The following CSNK1G3 variants were observed in gnomAD, a reference collection of about 807,000 sequenced individuals.
The protein encoded by CSNK1G3 is casein kinase 1 gamma 3.
In CSNK1G3, 23 loss-of-function variants were observed where a neutral mutation model predicts 64.3. The ratio of observed to expected loss-of-function variants is 0.36; its 90% CI spans 0.26 to 0.51. The LOEUF is 0.51. Ranked by LOEUF, CSNK1G3 falls within the 20% of genes least tolerant of loss-of-function variation. The pLI is 0.96. For synonymous variants in CSNK1G3, 158 were observed against 162.2 expected, an observed-to-expected ratio of 0.97 and a Z score of 0.20; for missense variants, 357 against 510.5, an observed-to-expected ratio of 0.70 and a Z score of 2.90.
chr5:123,527,379 T>C (rs1428152333), intron 1 of CSNK1G3, among the ~76,000 whole-genome samples: 1 of 152,174 alleles, frequency 6.6e-6, no homozygotes, highest in Non-Finnish European at 1.5e-5. Context: ...AAGAAGTCTC[T>C]TGATTTAGCT....
At chr5:123,596,511 A>G (rs1276125950) in intron 10 of CSNK1G3, among the ~76,000 whole-genome samples, 3 of 152,052 alleles carry the variant, frequency 2.0e-5, no homozygotes, top group Non-Finnish European at 4.4e-5. Flanking sequence ...CCATTACCAG[A>G]TTTATTTTCT....
intron 4 of CSNK1G3, 95 bp from the exon 5 acceptor site, chr5:123,573,298 C>G: frequency 2.2e-6 from 3 of 1,348,858 alleles, no homozygotes. Flanking sequence ...TGCTTTAGTT[C>G]TTGAAACTAT....
At chr5:123,543,587 G>A (rs146990963) in intron 1 of CSNK1G3, among the ~76,000 whole-genome samples, 112 of 152,196 alleles carry the variant, frequency 7.4e-4, no homozygotes, top group Admixed American at 1.1e-3. Context: ...TGCAAATTCT[G>A]ATCTGTGATC....
intron 1 of CSNK1G3, among the ~76,000 whole-genome samples, chr5:123,538,044 T>TTGG (rs1316800552): frequency 6.6e-6 from 1 of 152,226 alleles, no homozygotes; most frequent in Non-Finnish European, 1.5e-5. Flanking sequence ...TAGTCATCTA[T>TTGG]TATATGACTA....
At chr5:123,611,388 A>G (rs573242684) in intron 12 of CSNK1G3, among the ~76,000 whole-genome samples, 25 of 152,314 alleles carry the variant, frequency 1.6e-4, no homozygotes, top group African/African-American at 6.0e-4. Context: ...TTTAAAATAG[A>G]TGTCCTTTTT....
chr5:123,517,083 G>C (rs1180450657), intron 1 of CSNK1G3, among the ~76,000 whole-genome samples: 1 of 152,154 alleles, frequency 6.6e-6, no homozygotes, highest in African/African-American at 2.4e-5. Flanking sequence ...TTCAGAAGTT[G>C]CCGATAAGAA....
intron 4 of CSNK1G3, among the ~76,000 whole-genome samples, chr5:123,571,192 ATC>A (rs1190322195): frequency 1.3e-5 from 2 of 152,130 alleles, no homozygotes; most frequent in African/African-American, 2.4e-5. Flanking sequence ...GTGTATCAGA[ATC>A]TCTGTTTCTG....
chr5:123,517,678 ACTTT>A (rs1201070724), intron 1 of CSNK1G3, among the ~76,000 whole-genome samples: 4 of 152,108 alleles, frequency 2.6e-5, no homozygotes, highest in Admixed American at 6.6e-5. Flanking sequence ...AGGAAATAGA[ACTTT>A]CTTCGATAGA....
intron 12 of CSNK1G3, among the ~76,000 whole-genome samples, chr5:123,605,791 A>G (rs1256619720): frequency 3.9e-5 from 6 of 152,152 alleles, no homozygotes; most frequent in African/African-American, 1.2e-4. Context: ...TTCATTTACT[A>G]ACCAATTATC....
intron 4 of CSNK1G3, among the ~76,000 whole-genome samples, chr5:123,570,500 C>T (rs1413766732): frequency 6.6e-6 from 1 of 151,852 alleles, no homozygotes; most frequent in Non-Finnish European, 1.5e-5. Context: ...ATTACAGGCA[C>T]ACGCCACCAT....
intron 1 of CSNK1G3, among the ~76,000 whole-genome samples, chr5:123,541,412 A>G (rs11955296): frequency 0.083 from 12,612 of 152,024 alleles, 593 homozygotes; most frequent in South Asian, 0.12. Context: ...CTTTCAGTCT[A>G]TCTGTATAGT....
intron 4 of CSNK1G3, among the ~76,000 whole-genome samples, chr5:123,563,839 T>C (rs973256219): frequency 2.6e-5 from 4 of 152,070 alleles, no homozygotes; most frequent in Non-Finnish European, 5.9e-5. Flanking sequence ...AATAAATACT[T>C]AGACTATTGC....
At chr5:123,551,992 C>A (rs890249629) in intron 2 of CSNK1G3, among the ~76,000 whole-genome samples, 1 of 152,122 alleles carries the variant, frequency 6.6e-6, no homozygotes, top group Non-Finnish European at 1.5e-5. Flanking sequence ...ACTACAGATG[C>A]TGACCAATTG....
chr5:123,527,885 G>A (rs962387965), intron 1 of CSNK1G3, among the ~76,000 whole-genome samples: 5 of 151,880 alleles, frequency 3.3e-5, no homozygotes, highest in African/African-American at 7.3e-5. Flanking sequence ...TGTTTTCTCC[G>A]TGTTTTCTAA....
At chr5:123,523,072 T>A (rs906313760) in intron 1 of CSNK1G3, among the ~76,000 whole-genome samples, 1 of 152,202 alleles carries the variant, frequency 6.6e-6, no homozygotes, top group Non-Finnish European at 1.5e-5. Flanking sequence ...ATATTTACAA[T>A]ATCATTGAGC....
At chr5:123,608,995 T>C (rs956109112) in intron 12 of CSNK1G3, among the ~76,000 whole-genome samples, 1 of 152,234 alleles carries the variant, frequency 6.6e-6, no homozygotes, top group South Asian at 2.1e-4. Context: ...ACACTAGTTC[T>C]CAAAGATGAG....
intron 3 of CSNK1G3, among the ~76,000 whole-genome samples, chr5:123,554,345 G>T (rs185817263): frequency 4.7e-4 from 72 of 152,268 alleles, no homozygotes; most frequent in African/African-American, 1.4e-3. Flanking sequence ...TTTCTTAGAG[G>T]TGGATTCACA....
At chr5:123,556,267 T>C (rs1025681947) in intron 3 of CSNK1G3, among the ~76,000 whole-genome samples, 2 of 152,132 alleles carry the variant, frequency 1.3e-5, no homozygotes, top group Non-Finnish European at 2.9e-5. Flanking sequence ...TGTAAAATTC[T>C]TTTTAGTTAT....
At chr5:123,593,328 A>T (rs560003031) in intron 10 of CSNK1G3, among the ~76,000 whole-genome samples, 10 of 151,950 alleles carry the variant, frequency 6.6e-5, no homozygotes, top group South Asian at 4.2e-4. Flanking sequence ...TTGTATATTT[A>T]AAAAAAACTT....
Sources: allele counts gnomAD v4.1 joint callset (sites outside exome capture counted in the v4.1 genomes callset), GRCh38; gene constraint gnomAD v4.1.1; transcripts MANE v1.5; gene names NCBI Gene and HGNC (gene_info 2026-07-23, HGNC 2026-07-21).